The following SENP6 variants were observed in gnomAD, a reference collection of about 807,000 sequenced individuals.
SENP6 encodes sentrin-specific protease 6.
A neutral mutation model predicts 134.5 loss-of-function variants in SENP6; 41 were observed. The observed-to-expected ratio is 0.30, with a 90% CI of 0.24 to 0.40. The LOEUF is 0.40. Among genes scored for constraint, SENP6 ranks in the 10% least tolerant of loss-of-function variants. The probability of loss-of-function intolerance (pLI) is 1.00; values close to 1 mark genes in which losing one functional copy is unlikely to be tolerated. For missense variants in SENP6, 1,248 were observed against 1,312.5 expected (o/e 0.95, Z 0.76); for synonymous variants, 395 against 429.8 (o/e 0.92, Z 1.00).
chr6:75,715,721 A>C lies in SENP6; in HGVS notation c.*127A>C. Reference sequence around the variant, plus strand: ...AAATTTTGATGCTTGTATAAATGTCAGATAATTAATTTCCAAAGGCGTATG... The same window carrying C: ...AAATTTTGATGCTTGTATAAATGTCCGATAATTAATTTCCAAAGGCGTATG... On this transcript the variant is annotated 3_prime_UTR_variant, in exon 24 of 24. Coordinates refer to ENST00000447266, the MANE Select transcript of SENP6 (RefSeq NM_015571.4). 1 of 639,820 alleles carries C rather than the reference A, an allele frequency of 1.6e-6. No individual in the cohort carries two copies. Among genetic ancestry groups the C allele is most frequent in the East Asian group, 2.8e-5 (1 of 35,206 alleles). The allele number at this position is 639,820 out of a possible 1,614,324, so 39.6% of individuals were successfully genotyped here. A position where few individuals can be genotyped will look rare whatever the true frequency, so the allele number is the denominator to read the frequency against.
intron 3 of SENP6, among the ~76,000 whole-genome samples, chr6:75,627,717 C>G (rs1287849698): frequency 1.3e-5 from 2 of 152,096 alleles, no homozygotes; most frequent in African/African-American, 4.8e-5. Context: ...GCTCTGTCAC[C>G]CAGGCCAGAG....
chr6:75,636,643 AC>A (rs1272804865), intron 5 of SENP6, among the ~76,000 whole-genome samples: 1 of 152,172 alleles, frequency 6.6e-6, no homozygotes, highest in Admixed American at 6.5e-5. Flanking sequence ...TGTAGTAAAA[AC>A]TACAGAGAAG....
At chr6:75,627,987 TA>T (rs1159192589) in intron 3 of SENP6, among the ~76,000 whole-genome samples, 1 of 152,198 alleles carries the variant, frequency 6.6e-6, no homozygotes, top group Non-Finnish European at 1.5e-5. Context: ...TCAGATTTCT[TA>T]TGATTTTTTG....
At chr6:75,712,058 G>A (rs1326056558) in intron 21 of SENP6, among the ~76,000 whole-genome samples, 5 of 152,172 alleles carry the variant, frequency 3.3e-5, no homozygotes, top group Admixed American at 6.5e-5. Context: ...GTAACATGGG[G>A]TTGGAGTTTA....
At chr6:75,605,389 G>T (rs935701810) in intron 1 of SENP6, among the ~76,000 whole-genome samples, 5 of 152,084 alleles carry the variant, frequency 3.3e-5, no homozygotes, top group African/African-American at 1.2e-4. Context: ...CTGTGAAAAA[G>T]TAATGACTTT....
intron 6 of SENP6, among the ~76,000 whole-genome samples, chr6:75,640,923 T>C (rs1390281398): frequency 6.6e-6 from 1 of 152,166 alleles, no homozygotes; most frequent in African/African-American, 2.4e-5. Flanking sequence ...GGGTAATTAG[T>C]ATATCCATCA....
intron 1 of SENP6, among the ~76,000 whole-genome samples, chr6:75,604,966 G>A (rs7738852): frequency 1.3e-5 from 2 of 151,688 alleles, no homozygotes; most frequent in African/African-American, 4.8e-5. Context: ...CCAACTACTC[G>A]GGAGGCTGAG....
intron 7 of SENP6, among the ~76,000 whole-genome samples, chr6:75,651,782 A>G (rs1384577995): frequency 6.6e-6 from 1 of 152,218 alleles, no homozygotes; most frequent in Admixed American, 6.5e-5. Flanking sequence ...ACTGTTCTGT[A>G]TGTAACTTGC....
At chr6:75,612,777 A>AATC (rs1767554640) in intron 1 of SENP6, among the ~76,000 whole-genome samples, 1 of 152,158 alleles carries the variant, frequency 6.6e-6, no homozygotes, top group Admixed American at 6.6e-5. Flanking sequence ...CCAAGGACCA[A>AATC]ATCATTCCAT....
At chr6:75,664,838 G>A (rs778406391) in intron 9 of SENP6, among the ~76,000 whole-genome samples, 1 of 152,174 alleles carries the variant, frequency 6.6e-6, no homozygotes, top group Non-Finnish European at 1.5e-5. Flanking sequence ...TCAGGCCTGG[G>A]GATATAGCAG....
chr6:75,602,101 T>G lies in SENP6; in HGVS notation c.-424T>G. The G allele has an allele frequency of 1.3e-5, 2 of 156,200 alleles. No homozygotes were observed. Among genetic ancestry groups the G allele is most frequent in the Non-Finnish European group, 2.8e-5 (2 of 71,128 alleles). 9.7% of individuals were successfully genotyped at this position (156,200 alleles called of 1,614,324 possible). ...CGCTCCGGCGCGGCGGGTGCGGCCATTTTACGGCCTGGGACGAAGGGAGGC... is the reference window on the plus strand; with the variant it reads ...CGCTCCGGCGCGGCGGGTGCGGCCAGTTTACGGCCTGGGACGAAGGGAGGC... On this transcript the variant is annotated 5_prime_UTR_variant, in exon 1 of 24. Transcript: ENST00000447266.
At chr6:75,706,083 G>A (rs939311584) in intron 19 of SENP6, among the ~76,000 whole-genome samples, 10 of 151,140 alleles carry the variant, frequency 6.6e-5, no homozygotes, top group East Asian at 3.9e-4. Flanking sequence ...CTGGGATTAC[G>A]GGTGCGCACC....
intron 7 of SENP6, among the ~76,000 whole-genome samples, chr6:75,653,126 G>A (rs1048110158): frequency 6.6e-6 from 1 of 152,068 alleles, no homozygotes; most frequent in Non-Finnish European, 1.5e-5. Context: ...CACCTCCCGG[G>A]TTCAAGCGAT....
At chr6:75,647,492 C>CAGA (rs1770544353) in intron 6 of SENP6, 1 of 302,982 alleles carries the variant, frequency 3.3e-6, no homozygotes, top group Non-Finnish European at 6.3e-6. Flanking sequence ...AAGACAATCT[C>CAGA]ATTCAACATT....
intron 16 of SENP6, among the ~76,000 whole-genome samples, chr6:75,692,826 C>T (rs901417521): frequency 1.2e-4 from 18 of 151,588 alleles, no homozygotes; most frequent in African/African-American, 4.1e-4. Context: ...GCACTTGGGA[C>T]GCCAAGGCAA....
chr6:75,605,983 C>T (rs551292533), intron 1 of SENP6, among the ~76,000 whole-genome samples: 8 of 152,188 alleles, frequency 5.3e-5, no homozygotes, highest in South Asian at 2.1e-4. Context: ...GCTTACAGGA[C>T]TTGATGAACT....
At chr6:75,688,849 T>G (rs2149889046) in intron 16 of SENP6, among the ~76,000 whole-genome samples, 1 of 152,314 alleles carries the variant, frequency 6.6e-6, no homozygotes, top group Admixed American at 6.5e-5. Context: ...AGGTGGATCA[T>G]CTGAGGTCAG....
chr6:75,677,503 TTCA>T (rs1773172574), intron 14 of SENP6: 1 of 311,470 alleles, frequency 3.2e-6, no homozygotes. Context: ...ATCTTTACTT[TTCA>T]TCATCATTTT....
chr6:75,649,701 G>A (rs2149851300), intron 7 of SENP6, among the ~76,000 whole-genome samples: 1 of 152,196 alleles, frequency 6.6e-6, no homozygotes, highest in Admixed American at 6.5e-5. Flanking sequence ...ATTGTTAATA[G>A]AGACGAAGTT....
Sources: allele counts gnomAD v4.1 joint callset (sites outside exome capture counted in the v4.1 genomes callset), GRCh38; gene constraint gnomAD v4.1.1; transcripts MANE v1.5; gene names NCBI Gene and HGNC (gene_info 2026-07-23, HGNC 2026-07-21).